The following MCF2L2 variants were observed in gnomAD, a reference collection of about 807,000 sequenced individuals.
MCF2L2 encodes the protein probable guanine nucleotide exchange factor MCF2L2.
MCF2L2 carries 102 observed loss-of-function variants against 150.2 expected under a neutral mutation model. The observed-to-expected ratio is 0.68, with a 90% CI of 0.58 to 0.80. MCF2L2 has a LOEUF of 0.80. Among genes scored for constraint, MCF2L2 ranks in the 30% least tolerant of loss-of-function variants. MCF2L2 has a pLI of 0.00. For synonymous variants in MCF2L2, 465 were observed against 491.3 expected (o/e 0.95, Z 0.71); for missense variants, 1,256 against 1,372.8 (o/e 0.91, Z 1.34).
chr3:183,248,426 A>C (rs1237248702), intron 15 of MCF2L2, among the ~76,000 whole-genome samples: 1 of 152,230 alleles, frequency 6.6e-6, no homozygotes, highest in East Asian at 1.9e-4. Flanking sequence ...AAACCCTAGG[A>C]AGACTTTTAA....
chr3:183,291,893 C>T (rs150035592), intron 13 of MCF2L2, among the ~76,000 whole-genome samples: 70 of 152,262 alleles, frequency 4.6e-4, no homozygotes, highest in African/African-American at 1.6e-3. Context: ...GCTTTATTTA[C>T]TTGAAACAAA....
At chr3:183,212,964 G>T (rs1722789029) in intron 22 of MCF2L2, among the ~76,000 whole-genome samples, 2 of 119,946 alleles carry the variant, frequency 1.7e-5, no homozygotes, top group East Asian at 2.9e-4. Flanking sequence ...GGTGGGGGGG[G>T]TGGGGGGGTG....
intron 4 of MCF2L2, 47 bp from the exon 5 acceptor site, chr3:183,338,966 A>G (rs1176984761): frequency 9.6e-6 from 15 of 1,569,442 alleles, no homozygotes; most frequent in Non-Finnish European, 1.1e-5. Flanking sequence ...AAAATGTCAT[A>G]TTCGTTACCA....
intron 3 of MCF2L2, among the ~76,000 whole-genome samples, chr3:183,346,115 A>C (rs1267605952): frequency 2.0e-5 from 3 of 152,158 alleles, no homozygotes; most frequent in African/African-American, 7.2e-5. Flanking sequence ...GAGACACAAC[A>C]AAAAAAGAAA....
intron 5 of MCF2L2, among the ~76,000 whole-genome samples, chr3:183,338,068 T>C (rs1730558172): frequency 6.6e-6 from 1 of 152,134 alleles, no homozygotes; most frequent in African/African-American, 2.4e-5. Flanking sequence ...GTTTCACCTG[T>C]ACAACTTAGC....
chr3:183,185,271 A>G (rs1721656949), intron 27 of MCF2L2, among the ~76,000 whole-genome samples: 1 of 152,180 alleles, frequency 6.6e-6, no homozygotes, highest in Non-Finnish European at 1.5e-5. Flanking sequence ...AAAGGATATC[A>G]TTTTCACTTG....
intron 15 of MCF2L2, among the ~76,000 whole-genome samples, chr3:183,247,760 T>C (rs1177530155): frequency 1.3e-5 from 2 of 152,358 alleles, no homozygotes; most frequent in East Asian, 1.9e-4. Context: ...TTAGGTATTA[T>C]AAGTAATCCA....
At chr3:183,388,448 C>A (rs1297348039) in intron 2 of MCF2L2, among the ~76,000 whole-genome samples, 1 of 152,194 alleles carries the variant, frequency 6.6e-6, no homozygotes. Flanking sequence ...ACTGTGCCTT[C>A]AGGAGGCTGG....
chr3:183,198,151 T>G (rs1212901014), intron 25 of MCF2L2, among the ~76,000 whole-genome samples: 2 of 152,174 alleles, frequency 1.3e-5, no homozygotes, highest in East Asian at 3.8e-4. Context: ...GCAGCATTAT[T>G]CAAAATAGCC....
At chr3:183,363,955 A>C (rs923059420) in intron 3 of MCF2L2, among the ~76,000 whole-genome samples, 2 of 152,214 alleles carry the variant, frequency 1.3e-5, no homozygotes, top group African/African-American at 2.4e-5. Context: ...TAAGGCCACA[A>C]AGAAAATGCT....
intron 15 of MCF2L2, chr3:183,273,274 T>A: frequency 2.9e-6 from 1 of 343,848 alleles, no homozygotes. Flanking sequence ...ATATTGTTAA[T>A]TTTATACCAA....
intron 10 of MCF2L2, among the ~76,000 whole-genome samples, chr3:183,306,557 C>T (rs566677684): frequency 3.3e-5 from 5 of 152,130 alleles, no homozygotes; most frequent in Non-Finnish European, 7.3e-5. Context: ...GGCGAGAAAG[C>T]GAGTGATGCT....
chr3:183,207,937 C>A lies in MCF2L2; in HGVS notation c.2497-114G>T, dbSNP rs760868222. 4.1e-5 allele frequency: 32 copies of A among 782,684 alleles called. 1 individual carries two copies. In the South Asian group the frequency reaches 5.7e-4, roughly 14 times the overall value. 48.5% of individuals were successfully genotyped at this position (782,684 alleles called of 1,614,324 possible). On this transcript the variant is annotated intron_variant, in intron 22 of 29. Transcript: ENST00000328913. ...GCATGCTTCTTTGAGGTTTACAATT[C>A]TAAAAGTGCTATTCAGGCTGGTCTG... is the stretch of plus-strand genomic sequence containing the variant.
chr3:183,189,380 T>A (rs535400605), intron 27 of MCF2L2, among the ~76,000 whole-genome samples: 1 of 152,316 alleles, frequency 6.6e-6, no homozygotes, highest in South Asian at 2.1e-4. Flanking sequence ...TGTCATTTGA[T>A]CCTAGTTATT....
At chr3:183,427,855 C>T in intron 1 of MCF2L2, 47 bp downstream of exon 1, 1 of 1,521,424 alleles carries the variant, frequency 6.6e-7, no homozygotes. Context: ...AGAGACCATC[C>T]TCACCCGCCA....
At position 183,207,628 on chromosome 3, in the gene MCF2L2, T is replaced by C. The variant is rs369980908; in HGVS notation, c.2692A>G (p.Ser898Gly). Reference sequence around the variant, plus strand: ...TTTACCTTCATGGTCTTCTTGAAGCTGTAATGAGGAGATAATCCCTGGTCC... The same window carrying C: ...TTTACCTTCATGGTCTTCTTGAAGCCGTAATGAGGAGATAATCCCTGGTCC... ...PGDQGLSPHY[S>G]FKKTMKLMTL... is the part of the protein sequence containing the mutation. The change falls in exon 23 of 30, where the codon AGC becomes GGC. Residue 898 changes from serine (S) to glycine (G), a missense_variant. Ser to Gly is a moderately conservative substitution (Grantham distance 56, BLOSUM62 0). Transcript: ENST00000328913. The C allele has an allele frequency of 5.0e-5, 81 of 1,613,904 alleles. No homozygotes were observed. Among genetic ancestry groups the C allele is most frequent in the Non-Finnish European group, 6.1e-5 (72 of 1,179,832 alleles).
At position 183,267,531 on chromosome 3, in the gene MCF2L2, C is replaced by G. The variant is rs567657272; in HGVS notation, c.1862+9341G>C. 6.6e-6 allele frequency among the ~76,000 whole-genome samples: 1 copy of G among 152,178 alleles called. No individual in the cohort carries two copies. The highest frequency in any genetic ancestry group is 2.4e-5 in the African/African-American group (1 of 41,442). On this transcript the variant is annotated intron_variant, in intron 15 of 29. Coordinates refer to ENST00000328913, the MANE Select transcript of MCF2L2 (RefSeq NM_015078.4). This position sits in a 1 kb window ranked among gnomAD's most constrained non-coding sequence, Gnocchi z 5.5. ...TGGTTTTCTATCAGGGGTCAACCGGCGGGGGGACTTGAGAACAGATCTCTG... is the reference window on the plus strand; with the variant it reads ...TGGTTTTCTATCAGGGGTCAACCGGGGGGGGGACTTGAGAACAGATCTCTG...
chr3:183,201,234 G>A (rs953728873), intron 25 of MCF2L2, among the ~76,000 whole-genome samples: 65 of 152,142 alleles, frequency 4.3e-4, no homozygotes, highest in African/African-American at 1.4e-3. Flanking sequence ...CCATTTTCAC[G>A]ATATTGATTC....
intron 10 of MCF2L2, among the ~76,000 whole-genome samples, chr3:183,300,435 G>A (rs993795535): frequency 6.6e-6 from 1 of 152,178 alleles, no homozygotes; most frequent in African/African-American, 2.4e-5. Context: ...TGAGTTCTGG[G>A]CTAGACATCG....
Sources: gnomAD v4.1 joint callset for allele counts (sites outside exome capture counted in the v4.1 genomes callset) on GRCh38, gnomAD v4.1.1 for gene constraint, Gnocchi (gnomAD v3.1) non-coding constraint, MANE v1.5 for transcripts, NCBI Gene and HGNC (gene_info 2026-07-23, HGNC 2026-07-21) for gene names.